Variants in ZSWIM7 observed in about 807,000 individuals in gnomAD.
ZSWIM7 encodes zinc finger SWIM domain-containing protein 7.
A neutral mutation model predicts 21.1 loss-of-function variants in ZSWIM7; 22 were observed. The observed-to-expected ratio is 1.04, with a 90% CI of 0.74 to 1.49. ZSWIM7 has a LOEUF of 1.49. ZSWIM7 is among the 40% of genes most tolerant of loss of function. The pLI is 0.00. For missense variants in ZSWIM7, 193 were observed against 168.0 expected (o/e 1.15, Z -0.82); for synonymous variants, 67 against 66.5 (o/e 1.01, Z -0.04).
intron 2 of ZSWIM7, among the ~76,000 whole-genome samples, chr17:15,988,975 G>A (rs376181709): frequency 1.1e-4 from 16 of 152,138 alleles, no homozygotes; most frequent in East Asian, 7.7e-4. Flanking sequence ...AGCCAAGATC[G>A]CGCCACTACA....
intron 2 of ZSWIM7, among the ~76,000 whole-genome samples, chr17:15,991,518 AATTTTCTAG>A (rs1970482000): frequency 6.6e-6 from 1 of 152,184 alleles, no homozygotes; most frequent in African/African-American, 2.4e-5. Context: ...TGTGGTCACT[AATTTTCTAG>A]ATGAAAAGTT....
intron 2 of ZSWIM7, among the ~76,000 whole-genome samples, chr17:15,989,278 T>A (rs1386602593): frequency 6.6e-6 from 1 of 152,140 alleles, no homozygotes; most frequent in African/African-American, 2.4e-5. Context: ...GCATGTTAAC[T>A]TTTTTAAAGG....
rs1237370709 is a variant in ZSWIM7 at position 15,987,268 on chromosome 17, G to T, written c.199C>A (p.Gln67Lys). The stretch of plus-strand genomic sequence containing the variant: ...CACCCCCATCTCTAGACTTCTACCT[G>T]GTAAACACGCCTTCCACTGGGTGAT... ...ISSPSGRRVYQVLGSSSKTYT... is the reference protein window; with the variant it reads ...ISSPSGRRVYKVLGSSSKTYT... The change falls in exon 3 of 5, where the codon CAG (glutamine) becomes AAG (lysine). Residue 67 changes from glutamine to lysine, a missense_variant and splice_region_variant. By Grantham distance (53) the Gln-to-Lys change is moderately conservative (BLOSUM62 1). Coordinates refer to ENST00000399277, the MANE Select transcript of ZSWIM7 (RefSeq NM_001042697.2). 1.9e-6 allele frequency: 3 copies of T among 1,611,560 alleles called. No homozygotes were observed. The East Asian group carries it at 6.7e-5, about 36-fold the overall frequency.
chr17:15,980,024 C>T (rs1220066982), intron 4 of ZSWIM7, among the ~76,000 whole-genome samples: 8 of 145,302 alleles, frequency 5.5e-5, no homozygotes, highest in South Asian at 4.5e-4. Flanking sequence ...GGCGGCTGGC[C>T]GGGCGGGGGG....
intron 2 of ZSWIM7, among the ~76,000 whole-genome samples, chr17:15,988,426 AC>A (rs1306482010): frequency 6.6e-6 from 1 of 152,140 alleles, no homozygotes. Context: ...TTATCCCCAT[AC>A]ATGTCCCTTG....
chr17:15,999,522 G>C lies in ZSWIM7; in HGVS notation c.73C>G (p.Arg25Gly), dbSNP rs748619284. 2 of 1,600,008 alleles carry C rather than the reference G, an allele frequency of 1.2e-6. No individual in the cohort carries two copies. Among genetic ancestry groups the C allele is most frequent in the Non-Finnish European group, 1.7e-6 (2 of 1,178,000 alleles). Residue 25 changes from arginine to glycine, a missense_variant, in exon 1 of 5, where the codon CGA (arginine) becomes GGA (glycine). Transcript: ENST00000399277. ...EMAAAVQESARIPDEYLLSLK... is the reference protein window; with the variant it reads ...EMAAAVQESAGIPDEYLLSLK... The stretch of plus-strand genomic sequence containing the variant: ...ACACACGACCTCGGTCCCGTACTTC[G>C]CGCGCTCTCCTGCACCGCCGCCGCC...
chr17:15,988,125 GCATATA>G (rs1208472816), intron 2 of ZSWIM7, among the ~76,000 whole-genome samples: 1 of 152,010 alleles, frequency 6.6e-6, no homozygotes, highest in African/African-American at 2.4e-5. Context: ...ATAGATGTAT[GCATATA>G]CATATATAGT....
At chr17:15,999,268 T>C in intron 1 of ZSWIM7, 2 of 617,202 alleles carry the variant, frequency 3.2e-6, no homozygotes, top group East Asian at 5.7e-5. Flanking sequence ...GCCTACTCGC[T>C]CCGACGGAGG....
intron 2 of ZSWIM7, among the ~76,000 whole-genome samples, chr17:15,991,932 TG>T (rs200427408): frequency 0.036 from 5,309 of 146,344 alleles, 397 homozygotes; most frequent in African/African-American, 0.13. Context: ...TGTTTTGTTT[TG>T]TTTTTTTTTT....
intron 1 of ZSWIM7, among the ~76,000 whole-genome samples, chr17:15,996,631 T>C (rs1439237592): frequency 6.6e-6 from 1 of 151,958 alleles, no homozygotes; most frequent in East Asian, 1.9e-4. Flanking sequence ...TGGCAGAGTC[T>C]GTGTGCCATA....
At chr17:15,999,422 C>G (rs1057112232) in intron 1 of ZSWIM7, 97 bp downstream of exon 1, 1 of 1,445,694 alleles carries the variant, frequency 6.9e-7, no homozygotes. Context: ...AAGGCAGGGC[C>G]AGGCCCGGAC....
intron 3 of ZSWIM7, among the ~76,000 whole-genome samples, chr17:15,983,163 G>A (rs965882139): frequency 6.6e-6 from 1 of 151,654 alleles, no homozygotes; most frequent in African/African-American, 2.4e-5. Flanking sequence ...TGGTCAATAT[G>A]GTGAAACCCC....
At chr17:15,999,039 A>T (rs1250311659) in intron 1 of ZSWIM7, among the ~76,000 whole-genome samples, 2 of 152,210 alleles carry the variant, frequency 1.3e-5, no homozygotes, top group Non-Finnish European at 1.5e-5. Context: ...TACGGGAGTG[A>T]GCCACTGCGC....
At chr17:15,982,464 T>A (rs992598487) in intron 3 of ZSWIM7, among the ~76,000 whole-genome samples, 9 of 152,178 alleles carry the variant, frequency 5.9e-5, no homozygotes, top group East Asian at 3.8e-4. Flanking sequence ...CAAGGACTTT[T>A]AAATTTTTTT....
intron 2 of ZSWIM7, 85 bp from the exon 3 acceptor site, chr17:15,987,453 A>AT: frequency 8.7e-7 from 1 of 1,146,132 alleles, no homozygotes; most frequent in Non-Finnish European, 1.2e-6. Context: ...TAGACTTAGT[A>AT]TTTTTTAAAA....
In ZSWIM7 at chr17:15,987,121, C is replaced by A. The variant is rs1010582648; in HGVS notation, c.201+145G>T. On this transcript the variant is annotated intron_variant, in intron 3 of 4. Coordinates refer to ENST00000399277, the MANE Select transcript of ZSWIM7 (RefSeq NM_001042697.2). ...GTAAATAAAAATTTTAAAAAATTAT[C>A]AATTCGTTAATTTTACCAAGTTGGG... 1.1e-5 allele frequency: 6 copies of A among 559,470 alleles called. No individual in the cohort carries two copies. In the African/African-American group the frequency reaches 1.2e-4, roughly 11 times the overall value. The allele number at this position is 559,470 out of a possible 1,614,324, so 34.7% of individuals were successfully genotyped here. A position where few individuals can be genotyped will look rare whatever the true frequency, so the allele number is the denominator to read the frequency against.
chr17:15,980,254 T>C (rs1288560877), intron 4 of ZSWIM7: 1 of 152,398 alleles, frequency 6.6e-6, no homozygotes, highest in Non-Finnish European at 1.5e-5. Flanking sequence ...TCTGGGGAGA[T>C]GATTGCGTTG....
At chr17:15,978,934 T>C (rs1214228212) in intron 4 of ZSWIM7, among the ~76,000 whole-genome samples, 3 of 151,676 alleles carry the variant, frequency 2.0e-5, no homozygotes, top group Non-Finnish European at 4.4e-5. Flanking sequence ...TCAGAGTCTC[T>C]AGGCTACTCT....
chr17:15,999,395 G>T, intron 1 of ZSWIM7, 124 bp downstream of exon 1: 1 of 1,228,012 alleles, frequency 8.1e-7, no homozygotes, highest in Non-Finnish European at 1.2e-6. Flanking sequence ...AAGAGGTTTA[G>T]AGAACCACAT....
Sources: allele counts gnomAD v4.1 joint callset (sites outside exome capture counted in the v4.1 genomes callset), GRCh38; gene constraint gnomAD v4.1.1; transcripts MANE v1.5; gene names NCBI Gene and HGNC (gene_info 2026-07-23, HGNC 2026-07-21).